CLSTN2: variants seen among roughly 807,000 people sequenced by gnomAD.
The protein encoded by CLSTN2 is calsyntenin 2.
CLSTN2 carries 48 observed loss-of-function variants against 101.2 expected under a neutral mutation model. The ratio of observed to expected loss-of-function variants is 0.47; its 90% confidence interval spans 0.38 to 0.60. The LOEUF (loss-of-function observed/expected upper bound fraction) is 0.60. CLSTN2 is among the 20% of genes least tolerant of loss of function. The probability of loss-of-function intolerance (pLI) is 0.00; values close to 1 mark genes in which losing one functional copy is unlikely to be tolerated. For missense variants in CLSTN2, 1,160 were observed against 1,238.2 expected (o/e 0.94, Z 0.95); for synonymous variants, 481 against 463.6 (o/e 1.04, Z -0.48).
intron 10 of CLSTN2, among the ~76,000 whole-genome samples, chr3:140,547,343 G>T (rs528666329): frequency 6.6e-6 from 1 of 152,044 alleles, no homozygotes; most frequent in Non-Finnish European, 1.5e-5. Flanking sequence ...ACATGGTGGC[G>T]TGCACCTGTA....
At chr3:140,507,487 G>C (rs1270924008) in intron 8 of CLSTN2, 1 of 152,158 alleles carries the variant, frequency 6.6e-6, no homozygotes, top group African/African-American at 2.4e-5. Flanking sequence ...GTGCTGACAG[G>C]AGCAGGGGTA....
chr3:140,480,412 G>C (rs1038460254), intron 8 of CLSTN2, among the ~76,000 whole-genome samples: 9 of 152,170 alleles, frequency 5.9e-5, no homozygotes, highest in African/African-American at 1.9e-4. Flanking sequence ...ACATACATGT[G>C]CATGTGTCTT....
intron 2 of CLSTN2, among the ~76,000 whole-genome samples, chr3:140,298,454 C>T (rs2087024217): frequency 6.6e-6 from 1 of 152,202 alleles, no homozygotes; most frequent in Admixed American, 6.5e-5. Context: ...TCAAAGTGCT[C>T]ACCATCTAGA....
chr3:140,487,862 C>T (rs908485596), intron 8 of CLSTN2, among the ~76,000 whole-genome samples: 1 of 152,146 alleles, frequency 6.6e-6, no homozygotes, highest in Admixed American at 6.5e-5. Flanking sequence ...GCTATTTGGA[C>T]ACAAAGCAAA....
chr3:139,997,412 C>G (rs1167220400), intron 1 of CLSTN2, among the ~76,000 whole-genome samples: 1 of 152,150 alleles, frequency 6.6e-6, no homozygotes, highest in African/African-American at 2.4e-5. Context: ...AATTGCAATT[C>G]AATTTTTACA....
intron 5 of CLSTN2, among the ~76,000 whole-genome samples, chr3:140,433,195 A>T (rs1296282999): frequency 6.6e-6 from 1 of 152,200 alleles, no homozygotes; most frequent in East Asian, 1.9e-4. Context: ...ATGTCATTGG[A>T]TAGTAAGGCA....
chr3:139,959,200 A>G (rs898190297), intron 1 of CLSTN2, among the ~76,000 whole-genome samples: 4 of 151,976 alleles, frequency 2.6e-5, no homozygotes, highest in Admixed American at 6.5e-5. Flanking sequence ...TTCCAGGTCT[A>G]CTATGTGGTC....
intron 2 of CLSTN2, among the ~76,000 whole-genome samples, chr3:140,360,235 C>T (rs1321168334): frequency 6.6e-6 from 1 of 152,144 alleles, no homozygotes; most frequent in Non-Finnish European, 1.5e-5. Context: ...CAGGCTCTCC[C>T]ATGTGCCAAG....
At chr3:140,001,227 G>A (rs1398494201) in intron 1 of CLSTN2, among the ~76,000 whole-genome samples, 3 of 151,988 alleles carry the variant, frequency 2.0e-5, no homozygotes, top group Admixed American at 1.3e-4. Flanking sequence ...AGATTATTTG[G>A]CTGTTTCCCA....
intron 2 of CLSTN2, among the ~76,000 whole-genome samples, chr3:140,392,513 A>C (rs933964782): frequency 2.6e-5 from 4 of 152,262 alleles, no homozygotes; most frequent in Middle Eastern, 3.4e-3. Context: ...CCAGTAACTA[A>C]ATTGAGTGTG....
intron 1 of CLSTN2, among the ~76,000 whole-genome samples, chr3:140,051,610 C>G (rs1576410392): frequency 6.6e-6 from 1 of 152,264 alleles, no homozygotes; most frequent in East Asian, 1.9e-4. Context: ...TCATTCTACT[C>G]CCTGTGAGGA....
chr3:140,474,157 T>C (rs1933925141), intron 8 of CLSTN2, among the ~76,000 whole-genome samples: 1 of 152,186 alleles, frequency 6.6e-6, no homozygotes, highest in Non-Finnish European at 1.5e-5. Context: ...TGTGAGCCTT[T>C]GGGAGCCCTG....
intron 1 of CLSTN2, among the ~76,000 whole-genome samples, chr3:140,013,598 G>A (rs2007134547): frequency 6.6e-6 from 1 of 152,152 alleles, no homozygotes; most frequent in Non-Finnish European, 1.5e-5. Flanking sequence ...AACACACAAT[G>A]CTACATCACA....
intron 8 of CLSTN2, among the ~76,000 whole-genome samples, chr3:140,468,696 C>G (rs1317098595): frequency 6.6e-6 from 1 of 152,214 alleles, no homozygotes; most frequent in African/African-American, 2.4e-5. Flanking sequence ...GTGGGTAGGA[C>G]CTGCCCTTTC....
chr3:140,280,606 C>T (rs1390959599), intron 2 of CLSTN2, among the ~76,000 whole-genome samples: 3 of 152,198 alleles, frequency 2.0e-5, no homozygotes, highest in Non-Finnish European at 4.4e-5. Context: ...AGAATGAACT[C>T]TCCCTTGAAG....
intron 2 of CLSTN2, among the ~76,000 whole-genome samples, chr3:140,350,466 G>A (rs2087593733): frequency 6.6e-6 from 1 of 152,176 alleles, no homozygotes; most frequent in Non-Finnish European, 1.5e-5. Flanking sequence ...TAGGGAGGGG[G>A]CATGAATTGT....
chr3:140,325,100 A>G (rs941983755), intron 2 of CLSTN2, among the ~76,000 whole-genome samples: 4 of 152,204 alleles, frequency 2.6e-5, no homozygotes, highest in Admixed American at 2.0e-4. Context: ...GTCTCACTAT[A>G]TTACTCAGGC....
intron 1 of CLSTN2, among the ~76,000 whole-genome samples, chr3:140,036,207 G>A (rs2007649355): frequency 6.6e-6 from 1 of 152,224 alleles, no homozygotes; most frequent in South Asian, 2.1e-4. Flanking sequence ...TATTTGAGGA[G>A]TGAGTGGTTG....
chr3:140,332,865 C>A (rs1444864167), intron 2 of CLSTN2, among the ~76,000 whole-genome samples: 1 of 152,116 alleles, frequency 6.6e-6, no homozygotes, highest in African/African-American at 2.4e-5. Flanking sequence ...CTTAGCAGAA[C>A]CTTTGAAAAT....
Sources: allele counts gnomAD v4.1 joint callset (sites outside exome capture counted in the v4.1 genomes callset), GRCh38; gene constraint gnomAD v4.1.1; transcripts MANE v1.5; gene names NCBI Gene and HGNC (gene_info 2026-07-23, HGNC 2026-07-21).